Variants in ERBB4 observed in about 807,000 individuals in gnomAD.
ERBB4 encodes erb-b2 receptor tyrosine kinase 4, also known as receptor tyrosine-protein kinase erbB-4.
Under a neutral mutation model 158.0 loss-of-function variants are expected in ERBB4, and 42 were observed. That is an observed-to-expected ratio of 0.27 (90% confidence interval 0.21 to 0.34). The LOEUF (loss-of-function observed/expected upper bound fraction) is 0.34, where lower values mean the gene tolerates loss of function less well. ERBB4 is among the 10% of genes least tolerant of loss of function. ERBB4 has a pLI of 1.00. For missense variants in ERBB4, 1,333 were observed against 1,624.1 expected, an observed-to-expected ratio of 0.82 and a Z score of 3.08; for synonymous variants, 583 against 558.7, an observed-to-expected ratio of 1.04 and a Z score of -0.61.
At chr2:212,453,315 A>C (rs1019765555) in intron 1 of ERBB4, among the ~76,000 whole-genome samples, 4 of 152,202 alleles carry the variant, frequency 2.6e-5, no homozygotes, top group Non-Finnish European at 5.9e-5. Context: ...CCATGGGACA[A>C]AAAGAGATGC....
chr2:211,561,773 C>G, intron 20 of ERBB4, 130 bp downstream of exon 20: 1 of 821,628 alleles, frequency 1.2e-6, no homozygotes, highest in Non-Finnish European at 2.1e-6. Context: ...TGTTATGTAT[C>G]TTTCATTGCA....
chr2:212,067,195 C>A (rs187568080), intron 2 of ERBB4, among the ~76,000 whole-genome samples: 1 of 152,018 alleles, frequency 6.6e-6, no homozygotes, highest in Non-Finnish European at 1.5e-5. Context: ...TTTTTATTTT[C>A]ATGACATTAT....
At chr2:211,583,437 T>C (rs971308091) in intron 19 of ERBB4, among the ~76,000 whole-genome samples, 4 of 151,876 alleles carry the variant, frequency 2.6e-5, no homozygotes, top group Non-Finnish European at 5.9e-5. Flanking sequence ...ATAAAATGAT[T>C]AATAGTTATT....
intron 1 of ERBB4, among the ~76,000 whole-genome samples, chr2:212,129,930 A>G (rs2080061476): frequency 6.6e-6 from 1 of 152,064 alleles, no homozygotes; most frequent in Non-Finnish European, 1.5e-5. Context: ...ATCTTGAAAG[A>G]CACACTTGAT....
chr2:211,779,343 A>C (rs1165323380), intron 4 of ERBB4: 2 of 152,152 alleles, frequency 1.3e-5, no homozygotes, highest in Non-Finnish European at 2.9e-5. Context: ...GACACATATT[A>C]TGTTGTAGCC....
At chr2:212,049,854 C>A (rs752659595) in intron 2 of ERBB4, among the ~76,000 whole-genome samples, 1 of 152,090 alleles carries the variant, frequency 6.6e-6, no homozygotes, top group Non-Finnish European at 1.5e-5. Context: ...CCATAATTTG[C>A]AAATTAGAAC....
rs1054104657 is a variant in ERBB4, at chr2:211,963,402, T to C, written c.235-15786A>G. Among the ~76,000 whole-genome samples the C allele has an allele frequency of 9.2e-5, 14 of 152,248 alleles. No individual in the cohort carries two copies. In the East Asian group the frequency reaches 2.5e-3, roughly 27 times the overall value. On this transcript the variant is annotated intron_variant, in intron 2 of 27. Coordinates refer to ENST00000342788, the MANE Select transcript of ERBB4 (RefSeq NM_005235.3). Reference sequence around the variant, plus strand: ...AATTTTATAGCTTGTAGAGTTGCCTTAGTGGTTTTCTAAAAGTAATAAAAA... The same window carrying C: ...AATTTTATAGCTTGTAGAGTTGCCTCAGTGGTTTTCTAAAAGTAATAAAAA...
chr2:212,020,398 A>T (rs1186057012), intron 2 of ERBB4, among the ~76,000 whole-genome samples: 1 of 152,114 alleles, frequency 6.6e-6, no homozygotes, highest in Non-Finnish European at 1.5e-5. Flanking sequence ...TACTGGATAT[A>T]TCCAGGTTTA....
intron 1 of ERBB4, among the ~76,000 whole-genome samples, chr2:212,514,377 T>C (rs1691705146): frequency 6.6e-6 from 1 of 152,240 alleles, no homozygotes; most frequent in African/African-American, 2.4e-5. Flanking sequence ...TAAATGCCTA[T>C]AAAAGTTACA....
intron 20 of ERBB4, among the ~76,000 whole-genome samples, chr2:211,439,459 A>C (rs2063927559): frequency 6.6e-6 from 1 of 152,150 alleles, no homozygotes; most frequent in African/African-American, 2.4e-5. Context: ...TAGAGCACCC[A>C]TTTTCAAGAT....
At chr2:211,507,862 T>C (rs2065789105) in intron 20 of ERBB4, among the ~76,000 whole-genome samples, 1 of 152,090 alleles carries the variant, frequency 6.6e-6, no homozygotes, top group Admixed American at 6.5e-5. Flanking sequence ...TTGACAAACC[T>C]GACAAAAACA....
chr2:211,460,524 CTG>C, intron 20 of ERBB4, among the ~76,000 whole-genome samples: 1 of 152,282 alleles, frequency 6.6e-6, no homozygotes, highest in South Asian at 2.1e-4. Context: ...AACATAATCA[CTG>C]TTTTAAAACC....
intron 1 of ERBB4, among the ~76,000 whole-genome samples, chr2:212,150,694 C>T (rs1291551609): frequency 1.3e-5 from 2 of 152,312 alleles, no homozygotes; most frequent in East Asian, 1.9e-4. Context: ...TTGCCAGACT[C>T]ATTCTTCTTG....
chr2:211,440,121 A>G (rs897173152), intron 20 of ERBB4, among the ~76,000 whole-genome samples: 7 of 152,224 alleles, frequency 4.6e-5, no homozygotes, highest in African/African-American at 7.2e-5. Context: ...TTCTCACTAC[A>G]TTGTGAGTAA....
In ERBB4 at chr2:211,928,971, C is replaced by A. The variant is rs549960176; in HGVS notation, c.421+18459G>T. ...AAGGGAGTGGGCTATTTTAATTACT[C>A]CCATTTAGTAGGAAAATATATATGT... On this transcript the variant is annotated intron_variant, in intron 3 of 27. Coordinates refer to ENST00000342788, the MANE Select transcript of ERBB4 (RefSeq NM_005235.3). Among the ~76,000 whole-genome samples the A allele has an allele frequency of 3.9e-5, 6 of 152,170 alleles. No individual in the cohort carries two copies. In the South Asian group the frequency reaches 1.2e-3, roughly 32 times the overall value.
chr2:212,105,179 G>A (rs2079188959), intron 2 of ERBB4, among the ~76,000 whole-genome samples: 1 of 152,134 alleles, frequency 6.6e-6, no homozygotes, highest in Admixed American at 6.5e-5. Context: ...AATATGAAAA[G>A]TCCATTGAGT....
intron 3 of ERBB4, among the ~76,000 whole-genome samples, chr2:211,907,707 A>G (rs2079433729): frequency 6.6e-6 from 1 of 151,588 alleles, no homozygotes; most frequent in Non-Finnish European, 1.5e-5. Context: ...TGGTCAGACT[A>G]TACCTATTTA....
intron 19 of ERBB4, among the ~76,000 whole-genome samples, chr2:211,570,289 TTACA>T (rs1359270839): frequency 5.3e-5 from 8 of 151,260 alleles, no homozygotes; most frequent in African/African-American, 2.0e-4. Context: ...GTAGATGTGA[TTACA>T]GGCATCCGCC....
intron 1 of ERBB4, among the ~76,000 whole-genome samples, chr2:212,503,853 T>C (rs1691035809): frequency 1.3e-5 from 2 of 151,024 alleles, no homozygotes; most frequent in Admixed American, 1.3e-4. Context: ...CAGAGTTATG[T>C]CTTAAGGGAT....
Sources: gnomAD v4.1 joint callset for allele counts (sites outside exome capture counted in the v4.1 genomes callset) on GRCh38, gnomAD v4.1.1 for gene constraint, MANE v1.5 for transcripts, NCBI Gene and HGNC (gene_info 2026-07-23, HGNC 2026-07-21) for gene names.